Variants in SPATA7 observed in about 807,000 individuals in gnomAD.
The protein encoded by SPATA7 is spermatogenesis associated 7.
SPATA7 carries 43 observed loss-of-function variants against 51.8 expected under a neutral mutation model. The ratio of observed to expected loss-of-function variants is 0.83; its 90% CI spans 0.65 to 1.07. SPATA7 has a LOEUF of 1.07. Among genes scored for constraint, SPATA7 ranks in the 50% least tolerant of loss-of-function variants. The probability of loss-of-function intolerance (pLI) is 0.00; values close to 1 mark genes in which losing one functional copy is unlikely to be tolerated. For synonymous variants in SPATA7, 230 were observed against 252.8 expected, an observed-to-expected ratio of 0.91 and a Z score of 0.86; for missense variants, 683 against 701.3, an observed-to-expected ratio of 0.97 and a Z score of 0.30.
chr14:88,450,324 T>C (rs1442625270), intron 3 of SPATA7, among the ~76,000 whole-genome samples: 1 of 152,186 alleles, frequency 6.6e-6, no homozygotes, highest in African/African-American at 2.4e-5. Context: ...TGAGGTACTA[T>C]TCTATTCATC....
intron 4 of SPATA7, among the ~76,000 whole-genome samples, chr14:88,396,521 C>T (rs544006881): frequency 6.6e-6 from 1 of 152,288 alleles, no homozygotes; most frequent in South Asian, 2.1e-4. Context: ...TAAGTGGAAT[C>T]ATATCGTGTT....
chr14:88,432,690 G>A (rs1295553197), intron 9 of SPATA7: 1 of 153,704 alleles, frequency 6.5e-6, no homozygotes, highest in East Asian at 1.9e-4. Flanking sequence ...TGAAGCTCCT[G>A]CTTCTCTGGA....
intron 7 of SPATA7, 86 bp from the exon 8 acceptor site, chr14:88,429,262 C>G (rs977279442): frequency 1.4e-6 from 1 of 733,600 alleles, no homozygotes; most frequent in African/African-American, 1.7e-5. Flanking sequence ...TATCTCTGTT[C>G]AATCACTTAA....
downstream of SPATA7, among the ~76,000 whole-genome samples, chr14:88,440,076 C>T (rs1044556243): frequency 6.6e-6 from 1 of 152,110 alleles, no homozygotes; most frequent in Admixed American, 6.5e-5. Context: ...TCCTCAGCCC[C>T]AGGGTTCCTT....
chr14:88,431,475 CCTT>C (rs780506950), intron 9 of SPATA7, among the ~76,000 whole-genome samples: 2 of 152,102 alleles, frequency 1.3e-5, no homozygotes, highest in African/African-American at 2.4e-5. Flanking sequence ...CATTGAGTAT[CCTT>C]CTTCTAGCTA....
intron 4 of SPATA7, among the ~76,000 whole-genome samples, chr14:88,462,577 A>C (rs891476598): frequency 6.6e-6 from 1 of 152,234 alleles, no homozygotes; most frequent in Non-Finnish European, 1.5e-5. Context: ...GTCTTTGTAC[A>C]CACTTTAAAA....
At chr14:88,392,493 T>C (rs2075771159) in intron 2 of SPATA7, among the ~76,000 whole-genome samples, 1 of 152,190 alleles carries the variant, frequency 6.6e-6, no homozygotes, top group Admixed American at 6.5e-5. Flanking sequence ...TTTAGAACAA[T>C]GCATGGTAAA....
intron 4 of SPATA7, among the ~76,000 whole-genome samples, chr14:88,411,119 G>T (rs933318581): frequency 3.3e-5 from 5 of 152,180 alleles, no homozygotes; most frequent in Non-Finnish European, 7.3e-5. Context: ...GCCTTGTGGC[G>T]CTGTGGTGGG....
chr14:88,426,843 C>T (rs2076808737), intron 6 of SPATA7, 139 bp downstream of exon 6: 2 of 820,270 alleles, frequency 2.4e-6, no homozygotes, highest in Admixed American at 2.3e-5. Flanking sequence ...TGTGACTTTT[C>T]CTTTTCCATG....
intron 6 of SPATA7, among the ~76,000 whole-genome samples, chr14:88,427,302 G>C (rs956391623): frequency 4.8e-4 from 73 of 152,140 alleles, no homozygotes. Flanking sequence ...AACAAATCTT[G>C]TCAAGTTTTG....
At chr14:88,429,166 T>C (rs2076874047) in intron 7 of SPATA7, 182 bp from the exon 8 acceptor site, 1 of 419,812 alleles carries the variant, frequency 2.4e-6, no homozygotes. Flanking sequence ...TCATTTTATC[T>C]TTAAGTTTAA....
At position 88,407,616 on chromosome 14, in the gene SPATA7, A is replaced by G. The variant is rs2076232697; in HGVS notation, c.239-9095A>G. 2.0e-5 allele frequency among the ~76,000 whole-genome samples: 3 copies of G among 151,998 alleles called. No individual in the cohort carries two copies. In the South Asian group the frequency reaches 6.2e-4, roughly 32 times the overall value. On this transcript the variant is annotated intron_variant, in intron 4 of 11. Transcript: ENST00000393545. ...TGCAGAAGCTCTTTAGTTTAATTAG[A>G]TCCCATTTGTCAATTTTGGCTTTTG...
intron 4 of SPATA7, among the ~76,000 whole-genome samples, chr14:88,465,084 C>CTAAG (rs1555380547): frequency 3.9e-5 from 6 of 152,174 alleles, no homozygotes; most frequent in Admixed American, 6.5e-5. Context: ...GTTTTAAAGT[C>CTAAG]TAAGTTCTAG....
downstream of SPATA7, among the ~76,000 whole-genome samples, chr14:88,438,652 C>G (rs938721021): frequency 2.0e-5 from 3 of 152,170 alleles, no homozygotes; most frequent in Non-Finnish European, 4.4e-5. Context: ...CAAGGCTACC[C>G]CACAATCAAG....
chr14:88,445,413 C>T (rs1232399661), intron 3 of SPATA7, among the ~76,000 whole-genome samples: 1 of 152,156 alleles, frequency 6.6e-6, no homozygotes, highest in East Asian at 1.9e-4. Context: ...TCTAGATATA[C>T]AATCATGTCA....
chr14:88,410,584 G>A (rs2076314337), intron 4 of SPATA7: 1 of 152,092 alleles, frequency 6.6e-6, no homozygotes. Flanking sequence ...TCTCTGTGTG[G>A]ATGTCCTTTT....
At chr14:88,437,485 T>C in intron 10 of SPATA7, 58 bp from the exon 11 acceptor site, 1 of 1,259,464 alleles carries the variant, frequency 7.9e-7, no homozygotes, top group Admixed American at 1.7e-5. Context: ...CGTAGCTAGT[T>C]TATATTTAGA....
chr14:88,398,379 C>A, intron 4 of SPATA7, among the ~76,000 whole-genome samples: 1 of 149,494 alleles, frequency 6.7e-6, no homozygotes, highest in Non-Finnish European at 1.5e-5. Context: ...TATCACAAGA[C>A]CAAAAAACTA....
chr14:88,427,459 A>G (rs930470538), intron 6 of SPATA7, among the ~76,000 whole-genome samples, 171 bp from the exon 7 acceptor site: 1 of 152,214 alleles, frequency 6.6e-6, no homozygotes, highest in Non-Finnish European at 1.5e-5. Context: ...GTGATATCAG[A>G]TGAGTCTGCA....
Sources: allele counts gnomAD v4.1 joint callset (sites outside exome capture counted in the v4.1 genomes callset), GRCh38; gene constraint gnomAD v4.1.1; transcripts MANE v1.5; gene names NCBI Gene and HGNC (gene_info 2026-07-23, HGNC 2026-07-21).